PHACTR1: variants seen among roughly 807,000 people sequenced by gnomAD.
PHACTR1 encodes phosphatase and actin regulator 1.
A neutral mutation model predicts 69.2 loss-of-function variants in PHACTR1; 16 were observed. The observed-to-expected ratio is 0.23, with a 90% CI of 0.16 to 0.35. The LOEUF (loss-of-function observed/expected upper bound fraction) is 0.35. PHACTR1 is among the 10% of genes least tolerant of loss of function. The pLI, the probability that PHACTR1 is intolerant of heterozygous loss-of-function variation, is 1.00. For missense variants in PHACTR1, 510 were observed against 734.7 expected, an observed-to-expected ratio of 0.69 and a Z score of 3.54; for synonymous variants, 312 against 284.5, an observed-to-expected ratio of 1.10 and a Z score of -0.97.
intron 4 of PHACTR1, among the ~76,000 whole-genome samples, chr6:12,946,133 A>G (rs906011580): frequency 2.0e-5 from 3 of 151,868 alleles, no homozygotes; most frequent in East Asian, 1.9e-4. Flanking sequence ...ATATTGGGAA[A>G]TGCCACAAAA....
intron 4 of PHACTR1, among the ~76,000 whole-genome samples, chr6:13,003,951 CTATATATATATATGTA>C (rs1181550385): frequency 1.1e-5 from 1 of 93,548 alleles, no homozygotes; most frequent in African/African-American, 6.2e-5. Context: ...AGTAGTATTC[CTATATATATATATGTA>C]TATATATATA....
At chr6:13,013,823 A>G (rs1206132997) in intron 4 of PHACTR1, among the ~76,000 whole-genome samples, 5 of 147,586 alleles carry the variant, frequency 3.4e-5, no homozygotes, top group Non-Finnish European at 6.0e-5. Context: ...GGCGAGGCCG[A>G]GGGGCGCGAG....
chr6:12,965,885 T>C (rs1793422895), intron 4 of PHACTR1, among the ~76,000 whole-genome samples: 1 of 152,070 alleles, frequency 6.6e-6, no homozygotes. Context: ...AACTGAGGCT[T>C]GGAGAAATAA....
At chr6:13,184,249 G>A (rs1406918403) in intron 7 of PHACTR1, among the ~76,000 whole-genome samples, 1 of 152,204 alleles carries the variant, frequency 6.6e-6, no homozygotes, top group Non-Finnish European at 1.5e-5. Context: ...GCTGTCATCT[G>A]TACCCAGTGT....
chr6:13,281,896 T>C (rs1347281898), intron 12 of PHACTR1, among the ~76,000 whole-genome samples: 1 of 152,210 alleles, frequency 6.6e-6, no homozygotes, highest in Non-Finnish European at 1.5e-5. Context: ...ACATGCAGTC[T>C]AGGCAGGGGG....
At chr6:13,220,453 C>T (rs939409105) in intron 8 of PHACTR1, among the ~76,000 whole-genome samples, 2 of 152,158 alleles carry the variant, frequency 1.3e-5, no homozygotes, top group African/African-American at 4.8e-5. Flanking sequence ...TCTCATCAAG[C>T]TTAATGACGT....
At chr6:13,003,690 A>G (rs1798368255) in intron 4 of PHACTR1, among the ~76,000 whole-genome samples, 1 of 151,886 alleles carries the variant, frequency 6.6e-6, no homozygotes, top group African/African-American at 2.4e-5. Context: ...CATCACCCTA[A>G]GAGTACATAG....
At chr6:13,153,963 G>T (rs530438335) in intron 5 of PHACTR1, among the ~76,000 whole-genome samples, 1 of 151,798 alleles carries the variant, frequency 6.6e-6, no homozygotes, top group Non-Finnish European at 1.5e-5. Context: ...GCTATTACAG[G>T]CATTTTTCTT....
chr6:13,048,173 G>A (rs958691932), intron 4 of PHACTR1, among the ~76,000 whole-genome samples: 2 of 152,176 alleles, frequency 1.3e-5, no homozygotes, highest in Non-Finnish European at 2.9e-5. Flanking sequence ...GAGCAGGAAA[G>A]ACCCCAGGAG....
intron 4 of PHACTR1, among the ~76,000 whole-genome samples, chr6:12,855,470 C>T (rs75506162): frequency 0.1 from 15,602 of 152,216 alleles, 886 homozygotes; most frequent in East Asian, 0.18. Flanking sequence ...AAAAAACAAA[C>T]CCTAAAATTA....
At chr6:13,061,527 A>C (rs1016889850) in intron 5 of PHACTR1, among the ~76,000 whole-genome samples, 39 of 152,210 alleles carry the variant, frequency 2.6e-4, no homozygotes, top group African/African-American at 9.2e-4. Context: ...GCATTCTTGA[A>C]TTAGTGGTTT....
At chr6:13,040,239 T>C (rs1199635003) in intron 4 of PHACTR1, among the ~76,000 whole-genome samples, 1 of 152,218 alleles carries the variant, frequency 6.6e-6, no homozygotes, top group Non-Finnish European at 1.5e-5. Flanking sequence ...AGGGCAGGGC[T>C]GAGAGCAGGA....
At position 13,160,478 on chromosome 6, in the gene PHACTR1, G is replaced by A. The variant is rs553930634; in HGVS notation, c.496+194G>A. Among the ~76,000 whole-genome samples, 7 of 152,270 alleles carry A rather than the reference G, an allele frequency of 4.6e-5. No homozygotes were observed. The South Asian group carries it at 8.3e-4, about 18-fold the overall frequency. ...AGCTGTCAGCATCATATGAGACGAAGGAAATAAAACTCCCTTTTCTGAGCA... is the reference window on the plus strand; with the variant it reads ...AGCTGTCAGCATCATATGAGACGAAAGAAATAAAACTCCCTTTTCTGAGCA... On this transcript the variant is annotated intron_variant, in intron 6 of 14. Coordinates refer to ENST00000332995, the MANE Select transcript of PHACTR1 (RefSeq NM_030948.6).
intron 5 of PHACTR1, among the ~76,000 whole-genome samples, chr6:13,066,475 C>A (rs1808649650): frequency 6.6e-6 from 1 of 152,178 alleles, no homozygotes; most frequent in Non-Finnish European, 1.5e-5. Flanking sequence ...TCCAGTTTTT[C>A]ATAGTTGTGC....
intron 4 of PHACTR1, among the ~76,000 whole-genome samples, chr6:12,956,895 C>G (rs1791956706): frequency 6.6e-6 from 1 of 152,152 alleles, no homozygotes; most frequent in Admixed American, 6.5e-5. Context: ...GCTACCGTCC[C>G]ATCCTGAGAA....
At chr6:13,084,018 T>G (rs1193887702) in intron 5 of PHACTR1, among the ~76,000 whole-genome samples, 1 of 152,070 alleles carries the variant, frequency 6.6e-6, no homozygotes, top group African/African-American at 2.4e-5. Flanking sequence ...GCCATCCCAT[T>G]ACTGGGTATA....
At chr6:12,830,125 G>GAAAGAAAGAAAGAAAGA (rs1561923814) in intron 4 of PHACTR1, among the ~76,000 whole-genome samples, 26 of 126,728 alleles carry the variant, frequency 2.1e-4, no homozygotes, top group African/African-American at 5.8e-4. Context: ...AAGAAAGAAA[G>GAAAGAAAGAAAGAAAGA]AAAGAAAGAA....
intron 4 of PHACTR1, among the ~76,000 whole-genome samples, chr6:12,958,345 G>C (rs1792167073): frequency 1.3e-5 from 2 of 152,232 alleles, no homozygotes; most frequent in African/African-American, 4.8e-5. Context: ...GAGGCAGGCA[G>C]CTCTTAGGAA....
At chr6:12,958,568 C>T (rs1291585989) in intron 4 of PHACTR1, among the ~76,000 whole-genome samples, 3 of 152,102 alleles carry the variant, frequency 2.0e-5, no homozygotes, top group Non-Finnish European at 4.4e-5. Flanking sequence ...GAAATCAATA[C>T]GGGAACTGAT....
Sources: gnomAD v4.1 joint callset for allele counts (sites outside exome capture counted in the v4.1 genomes callset) on GRCh38, gnomAD v4.1.1 for gene constraint, MANE v1.5 for transcripts, NCBI Gene and HGNC (gene_info 2026-07-23, HGNC 2026-07-21) for gene names.